The following BTBD3 variants were observed in gnomAD, a reference collection of about 807,000 sequenced individuals.
The protein encoded by BTBD3 is BTB domain containing 3, also known as BTB/POZ domain-containing protein 3.
Under a neutral mutation model 41.6 loss-of-function variants are expected in BTBD3, and 14 were observed. That is an observed-to-expected ratio of 0.34 (90% CI 0.22 to 0.53). BTBD3 has a LOEUF of 0.53. Ranked by LOEUF, BTBD3 falls within the 20% of genes least tolerant of loss-of-function variation. The pLI is 0.95. For synonymous variants in BTBD3, 249 were observed against 233.7 expected (o/e 1.07, Z -0.60); for missense variants, 426 against 654.7 (o/e 0.65, Z 3.81).
Position 11,918,517 on chromosome 20 carries a change from A to T in BTBD3, c.242A>T (p.Gln81Leu). 1.2e-6 allele frequency: 2 copies of T among 1,614,220 alleles called. No individual in the cohort carries two copies. Among genetic ancestry groups the T allele is most frequent in the Non-Finnish European group, 8.5e-7 (1 of 1,180,026 alleles). ...GCCAACTCCAGCAGCACCAGCGTCC[A>T]GCAGTACCACCAGCAGAATCTCAGT... ...KPANSSSTSV[Q>L]QYHQQNLSNN... The change falls in exon 1 of 4, where the codon CAG (glutamine) becomes CTG (leucine). Residue 81 changes from glutamine to leucine, a missense_variant. Gln to Leu is a moderately radical substitution (Grantham distance 113). Around this residue, in one of 3 missense-constraint regions of BTBD3, gnomAD observed 52 missense variants for 45.1 expected, o/e 1.15. Coordinates refer to ENST00000378226, the MANE Select transcript of BTBD3 (RefSeq NM_014962.4).
chr20:11,900,620 G>T (rs768520361), intron 1 of BTBD3, among the ~76,000 whole-genome samples: 4 of 151,824 alleles, frequency 2.6e-5, no homozygotes, highest in Non-Finnish European at 5.9e-5. Context: ...GGATAGAGAA[G>T]GACTTCTAAT....
At chr20:11,891,398 C>T (rs1022749602) in intron 1 of BTBD3, 2 of 151,812 alleles carry the variant, frequency 1.3e-5, no homozygotes, top group Admixed American at 6.5e-5. Context: ...GGGGGCCGCG[C>T]CCCTCTCCCG....
Position 11,918,207 on chromosome 20 carries a change from C to G in BTBD3, c.-69C>G. On this transcript the variant is annotated 5_prime_UTR_variant, in exon 1 of 4. Coordinates refer to ENST00000378226, the MANE Select transcript of BTBD3 (RefSeq NM_014962.4). ...GTTTCAGTTAACCTCTTAGCCCGGG[C>G]TAATCTCTTTTCCTTGATGTTCAAA... 1 of 1,503,960 alleles carries G rather than the reference C, an allele frequency of 6.6e-7. No homozygotes were observed. The highest frequency in any genetic ancestry group is 2.3e-5 in the East Asian group (1 of 44,122). The allele number at this position is 1,503,960 out of a possible 1,614,324, so 93.2% of individuals were successfully genotyped here. A position where few individuals can be genotyped will look rare whatever the true frequency, so the allele number is the denominator to read the frequency against.
In BTBD3 at chr20:11,924,217, T is replaced by C. The variant is rs991933345; in HGVS notation, c.*551T>C. 3.3e-5 allele frequency: 5 copies of C among 152,528 alleles called. No homozygotes were observed. Among genetic ancestry groups the C allele is most frequent in the African/African-American group, 1.2e-4 (5 of 41,442 alleles). The allele number at this position is 152,528 out of a possible 1,614,324, so 9.4% of individuals were successfully genotyped here. ...TTTGTTGCTTCTGGGATTTAAAAAA[T>C]TACTAAATTCATAAGATAGTTAGGT... On this transcript the variant is annotated 3_prime_UTR_variant, in exon 4 of 4. Transcript: ENST00000378226.
At chr20:11,914,691 C>CT (rs2056908022), upstream of BTBD3, among the ~76,000 whole-genome samples, 1 of 151,292 alleles carries the variant, frequency 6.6e-6, no homozygotes, top group Non-Finnish European at 1.5e-5. Context: ...TAGAAATAAC[C>CT]TAGACCAGTG....
intron 3 of BTBD3, among the ~76,000 whole-genome samples, chr20:11,922,008 A>G (rs562312691): frequency 1.3e-5 from 2 of 152,342 alleles, no homozygotes; most frequent in Admixed American, 6.5e-5. Flanking sequence ...GAAATAATGT[A>G]ATCTTGAATT....
At chr20:11,902,912 T>C (rs933166648) in intron 1 of BTBD3, among the ~76,000 whole-genome samples, 2 of 152,162 alleles carry the variant, frequency 1.3e-5, no homozygotes, top group East Asian at 3.8e-4. Flanking sequence ...TAAAAAAATT[T>C]CAATATATCT....
In BTBD3 at chr20:11,918,229, C is replaced by T. The variant is rs764161125; in HGVS notation, c.-47C>T. On this transcript the variant is annotated 5_prime_UTR_variant, in exon 1 of 4. Coordinates refer to ENST00000378226, the MANE Select transcript of BTBD3 (RefSeq NM_014962.4). ...GGGCTAATCTCTTTTCCTTGATGTT[C>T]AAACCAATTTGGGATATCTAACTCT... is the stretch of plus-strand genomic sequence containing the variant. 6.6e-7 allele frequency: 1 copy of T among 1,510,704 alleles called. No individual in the cohort carries two copies. The highest frequency in any genetic ancestry group is 1.4e-5 in the South Asian group (1 of 73,250). 93.6% of individuals were successfully genotyped at this position (1,510,704 alleles called of 1,614,324 possible). A position where few individuals can be genotyped will look rare whatever the true frequency, so the allele number is the denominator to read the frequency against.
At chr20:11,914,603 A>C (rs549668019), upstream of BTBD3, among the ~76,000 whole-genome samples, 80 of 152,104 alleles carry the variant, frequency 5.3e-4, no homozygotes, top group African/African-American at 1.8e-3. Flanking sequence ...GTGCACATGT[A>C]CACTAAAACT....
chr20:11,916,102 C>T (rs1310522324), upstream of BTBD3, among the ~76,000 whole-genome samples: 1 of 152,090 alleles, frequency 6.6e-6, no homozygotes, highest in Non-Finnish European at 1.5e-5. Flanking sequence ...AGCTGGTTTC[C>T]CTTTCCATTC....
At chr20:11,906,266 T>TTTTC (rs1285108672) in intron 1 of BTBD3, among the ~76,000 whole-genome samples, 2 of 114,616 alleles carry the variant, frequency 1.7e-5, no homozygotes, top group Non-Finnish European at 3.7e-5. Flanking sequence ...TTTTTTTTTT[T>TTTTC]TTTTTTTTTT....
chr20:11,916,149 G>T (rs1033005378), upstream of BTBD3, among the ~76,000 whole-genome samples: 5 of 152,222 alleles, frequency 3.3e-5, no homozygotes, highest in African/African-American at 9.6e-5. Context: ...CCAGATACTA[G>T]ATTTGTTAGA....
chr20:11,907,109 T>G (rs1185582864), intron 1 of BTBD3, among the ~76,000 whole-genome samples: 1 of 152,172 alleles, frequency 6.6e-6, no homozygotes, highest in Non-Finnish European at 1.5e-5. Flanking sequence ...CTGGTAATAG[T>G]TCTTGTTCCT....
chr20:11,893,372 A>G (rs2056767884), intron 1 of BTBD3, among the ~76,000 whole-genome samples: 1 of 152,204 alleles, frequency 6.6e-6, no homozygotes, highest in Non-Finnish European at 1.5e-5. Context: ...CAAATCCTGT[A>G]AGGTGAATTT....
Position 11,918,963 on chromosome 20 carries a change from G to C in BTBD3, c.327-123G>C, listed in dbSNP as rs1005356114. The C allele has an allele frequency of 8.8e-6, 6 of 681,552 alleles. No individual in the cohort carries two copies. In the African/African-American group the frequency reaches 1.1e-4, roughly 12 times the overall value. The allele number at this position is 681,552 out of a possible 1,614,324, so 42.2% of individuals were successfully genotyped here. On this transcript the variant is annotated intron_variant, in intron 1 of 3. Coordinates refer to ENST00000378226, the MANE Select transcript of BTBD3 (RefSeq NM_014962.4). ...AGTTTAGTTAGAACCTTTATTTGTT[G>C]TTTTGCCTTGAAGTTACTGGACTGT...
upstream of BTBD3, among the ~76,000 whole-genome samples, chr20:11,914,687 T>C (rs571653669): frequency 1.3e-5 from 2 of 151,778 alleles, no homozygotes; most frequent in East Asian, 3.9e-4. Context: ...CCCTTAGAAA[T>C]AACCTAGACC....
At chr20:11,900,006 C>T (rs2056814302) in intron 1 of BTBD3, among the ~76,000 whole-genome samples, 1 of 152,100 alleles carries the variant, frequency 6.6e-6, no homozygotes, top group Non-Finnish European at 1.5e-5. Flanking sequence ...CAAAATATAC[C>T]TAGCTCCTTG....
rs983572552 is a variant in BTBD3, at chr20:11,890,900, C to T, written c.-180C>T. ...CCCCGGCCGGGGCCTGAGGAGCGGG[C>T]ACAGGGCAAGGCGGCGGACGGCTGC... On this transcript the variant is annotated 5_prime_UTR_variant, in exon 1 of 5. Transcript: ENST00000254977. 599 of 984,914 alleles carry T rather than the reference C, an allele frequency of 6.1e-4. 1 individual carries two copies. Among genetic ancestry groups the T allele is most frequent in the Middle Eastern group, 1.0e-3 (2 of 1,912 alleles). The allele number at this position is 984,914 out of a possible 1,614,324, so 61.0% of individuals were successfully genotyped here. A position where few individuals can be genotyped will look rare whatever the true frequency, so the allele number is the denominator to read the frequency against.
intron 1 of BTBD3, among the ~76,000 whole-genome samples, chr20:11,907,549 C>T (rs1167468880): frequency 2.0e-5 from 3 of 152,170 alleles, no homozygotes; most frequent in Non-Finnish European, 4.4e-5. Context: ...TATGGAGATG[C>T]AGTCCTCAGA....
Sources: gnomAD v4.1 joint callset for allele counts (sites outside exome capture counted in the v4.1 genomes callset) on GRCh38, gnomAD v4.1.1 for gene constraint, gnomAD v4.1.1 regional missense constraint, MANE v1.5 for transcripts, NCBI Gene and HGNC (gene_info 2026-07-23, HGNC 2026-07-21) for gene names.